The following NGEF variants were observed in gnomAD, a reference collection of about 807,000 sequenced individuals.
NGEF encodes the protein ephexin-1.
In NGEF, 31 loss-of-function variants were observed where a neutral mutation model predicts 80.9. That is an observed-to-expected ratio of 0.38 (90% confidence interval 0.29 to 0.52). The LOEUF is 0.52. Among genes scored for constraint, NGEF ranks in the 20% least tolerant of loss-of-function variants. The pLI is 0.84. For synonymous variants in NGEF, 371 were observed against 370.2 expected (o/e 1.00, Z -0.03); for missense variants, 709 against 926.2 (o/e 0.77, Z 3.04).
chr2:232,984,076 G>A (rs951256364), intron 1 of NGEF, among the ~76,000 whole-genome samples: 6 of 152,244 alleles, frequency 3.9e-5, no homozygotes, highest in African/African-American at 1.2e-4. Context: ...CTGATGCTGG[G>A]ACAGAAATCA....
intron 1 of NGEF, among the ~76,000 whole-genome samples, chr2:232,987,910 T>C (rs1279467818): frequency 6.6e-6 from 1 of 151,838 alleles, no homozygotes; most frequent in East Asian, 1.9e-4. Flanking sequence ...GTGGTAGGGG[T>C]TGGGGACTGC....
intron 5 of NGEF, among the ~76,000 whole-genome samples, chr2:232,907,188 G>GA (rs10654316): frequency 0.078 from 8,862 of 113,110 alleles, 511 homozygotes; most frequent in East Asian, 0.14. Flanking sequence ...AGAAAAAAAA[G>GA]AAAAAAAAAA....
chr2:232,899,585 CAT>C (rs111982092), intron 5 of NGEF, among the ~76,000 whole-genome samples: 13 of 151,212 alleles, frequency 8.6e-5, no homozygotes, highest in East Asian at 1.9e-4. Flanking sequence ...CACAGTCACT[CAT>C]ATACACGTTC....
intron 3 of NGEF, among the ~76,000 whole-genome samples, chr2:232,945,204 A>T (rs1052609050): frequency 5.9e-5 from 9 of 152,194 alleles, no homozygotes; most frequent in African/African-American, 2.2e-4. Flanking sequence ...CAGGAAAAAA[A>T]ATTTAGTTCA....
chr2:233,003,203 G>T (rs927272336), intron 1 of NGEF, among the ~76,000 whole-genome samples: 1 of 152,184 alleles, frequency 6.6e-6, no homozygotes, highest in Admixed American at 6.5e-5. Flanking sequence ...CAGCTCTGGC[G>T]AGTGTTTGGG....
In NGEF at chr2:232,970,077, T is replaced by A. The variant is rs1323548952; in HGVS notation, c.383+137A>T. On this transcript the variant is annotated intron_variant, in intron 3 of 14. Transcript: ENST00000264051. ...AATTATGGAGTTTTTATTTATTTAT[T>A]TTTTTAGCACGGGCAACCAAAAGTT... 1.4e-5 allele frequency: 6 copies of A among 442,728 alleles called. No homozygotes were observed. The East Asian group carries it at 1.9e-4, about 14-fold the overall frequency. The allele number at this position is 442,728 out of a possible 1,614,324, so 27.4% of individuals were successfully genotyped here. A position where few individuals can be genotyped will look rare whatever the true frequency, so the allele number is the denominator to read the frequency against.
intron 1 of NGEF, among the ~76,000 whole-genome samples, chr2:232,979,818 C>T (rs1694372054): frequency 6.6e-6 from 1 of 152,112 alleles, no homozygotes; most frequent in Admixed American, 6.5e-5. Flanking sequence ...CTCTGTTGTT[C>T]CTGATGCCGG....
At chr2:232,941,175 G>A (rs774425432) in intron 3 of NGEF, among the ~76,000 whole-genome samples, 16 of 152,082 alleles carry the variant, frequency 1.1e-4, no homozygotes, top group Non-Finnish European at 1.9e-4. Context: ...TCCTGGGTGG[G>A]GGCCACAAGA....
At chr2:232,900,826 AC>A (rs1375821152) in intron 5 of NGEF, among the ~76,000 whole-genome samples, 16 of 152,334 alleles carry the variant, frequency 1.1e-4, no homozygotes, top group African/African-American at 3.4e-4. Flanking sequence ...ACAATCACCC[AC>A]AGAGGCACTG....
chr2:232,917,766 A>G (rs909186381), intron 5 of NGEF, among the ~76,000 whole-genome samples: 6 of 151,914 alleles, frequency 3.9e-5, no homozygotes, highest in Non-Finnish European at 8.8e-5. Flanking sequence ...TCAATTGGAT[A>G]ATTTCTGTTT....
intron 3 of NGEF, among the ~76,000 whole-genome samples, chr2:232,968,397 C>CTTTTATTTTA (rs147401331): frequency 5.3e-4 from 79 of 148,348 alleles, no homozygotes; most frequent in South Asian, 2.0e-3. Context: ...CCAGACCTGG[C>CTTTTATTTTA]TTTTATTTTA....
At chr2:232,988,838 G>A (rs1225996099) in intron 1 of NGEF, among the ~76,000 whole-genome samples, 1 of 152,116 alleles carries the variant, frequency 6.6e-6, no homozygotes, top group Non-Finnish European at 1.5e-5. Context: ...GCAAAAAAGA[G>A]GAAGTTCCAT....
chr2:232,901,457 T>C lies in NGEF; in HGVS notation c.829-6541A>G, dbSNP rs1427041396. 3 of 985,072 alleles carry C rather than the reference T, an allele frequency of 3.0e-6. No homozygotes were observed. The African/African-American group carries it at 5.2e-5, about 17-fold the overall frequency. The allele number at this position is 985,072 out of a possible 1,614,324, so 61.0% of individuals were successfully genotyped here. A position where few individuals can be genotyped will look rare whatever the true frequency, so the allele number is the denominator to read the frequency against. On this transcript the variant is annotated intron_variant, in intron 5 of 14. Coordinates refer to ENST00000264051, the MANE Select transcript of NGEF (RefSeq NM_019850.3). ...TGTTTTTTTGGCTTCTCCCGACCCC[T>C]GTGTTAACAAATCACTGCTGTCTCT...
At position 232,883,453 on chromosome 2, in the gene NGEF, C is replaced by G; in HGVS notation, c.1615G>C (p.Val539Leu). 6.2e-7 allele frequency: 1 copy of G among 1,601,970 alleles called. No individual in the cohort carries two copies. Among genetic ancestry groups the G allele is most frequent in the East Asian group, 2.3e-5 (1 of 44,394 alleles). Residue 539 changes from valine (V) to leucine (L), a missense_variant, in exon 12 of 15, where the codon GTA becomes CTA. Val to Leu is a conservative substitution (Grantham distance 32). Coordinates refer to ENST00000264051, the MANE Select transcript of NGEF (RefSeq NM_019850.3). The part of the protein sequence containing the change: ...CRQIPGDKYQ[V>L]FDSAPRGLLR... ...AGTCCCCGCGGAGCTGAGTCAAATA[C>G]CTGGTACTTGTCTCTGGAGATCAGG... is the stretch of plus-strand genomic sequence containing the variant.
At position 232,955,731 on chromosome 2, in the gene NGEF, C is replaced by T. The variant is rs1431702820; in HGVS notation, c.383+14483G>A. On this transcript the variant is annotated intron_variant, in intron 3 of 14. Transcript: ENST00000264051. ...ACGGGGTTTCACCATGTTGGCCAGG[C>T]TGGTCCTGAACTCCTGACCTCAAGT... 2.0e-5 allele frequency among the ~76,000 whole-genome samples: 3 copies of T among 152,172 alleles called. No individual in the cohort carries two copies. The East Asian group carries it at 5.8e-4, about 29-fold the overall frequency.
chr2:232,884,394 A>T (rs1345550320), intron 10 of NGEF, among the ~76,000 whole-genome samples: 1 of 152,068 alleles, frequency 6.6e-6, no homozygotes, highest in African/African-American at 2.4e-5. Flanking sequence ...GTGGACTTCT[A>T]TGTGTATGGA....
chr2:232,908,064 C>T (rs1228275172), intron 5 of NGEF, among the ~76,000 whole-genome samples: 1 of 151,832 alleles, frequency 6.6e-6, no homozygotes, highest in East Asian at 1.9e-4. Context: ...GAGCCGAGAT[C>T]GTACCACTGC....
intron 5 of NGEF, among the ~76,000 whole-genome samples, chr2:232,905,361 C>T (rs1023465572): frequency 6.6e-6 from 1 of 152,234 alleles, no homozygotes; most frequent in Non-Finnish European, 1.5e-5. Flanking sequence ...GCCTCGGCCT[C>T]CCGAGGTGCC....
In NGEF at chr2:233,000,640, G is replaced by C. The variant is rs916584318; in HGVS notation, c.-75+12428C>G. Among the ~76,000 whole-genome samples the C allele has an allele frequency of 2.0e-4, 30 of 151,898 alleles. 1 individual carries two copies. The highest frequency in any genetic ancestry group is 8.3e-4 in the South Asian group (4 of 4,812). ...CCGGGCGTGGTGGCGGGCGCCTGTA[G>C]TCCCAGCTACTCAGGAGGCTGAGGC... On this transcript the variant is annotated intron_variant, in intron 1 of 14. Coordinates refer to ENST00000264051, the MANE Select transcript of NGEF (RefSeq NM_019850.3).
Sources: gnomAD v4.1 joint callset for allele counts (sites outside exome capture counted in the v4.1 genomes callset) on GRCh38, gnomAD v4.1.1 for gene constraint, MANE v1.5 for transcripts, NCBI Gene and HGNC (gene_info 2026-07-23, HGNC 2026-07-21) for gene names.